EBF1: variants seen among roughly 807,000 people sequenced by gnomAD.
The protein encoded by EBF1 is EBF transcription factor 1.
A neutral mutation model predicts 68.4 loss-of-function variants in EBF1; 10 were observed. That is an observed-to-expected ratio of 0.15 (90% CI 0.09 to 0.25). EBF1 has a LOEUF of 0.25. Among genes scored for constraint, EBF1 ranks in the 10% least tolerant of loss-of-function variants. The pLI, the probability that EBF1 is intolerant of heterozygous loss-of-function variation, is 1.00. For synonymous variants in EBF1, 298 were observed against 299.8 expected (o/e 0.99, Z 0.06); for missense variants, 509 against 794.4 (o/e 0.64, Z 4.32).
At chr5:158,801,633 T>C (rs1013484712) in intron 8 of EBF1, among the ~76,000 whole-genome samples, 1 of 144,318 alleles carries the variant, frequency 6.9e-6, no homozygotes, top group African/African-American at 2.6e-5. Flanking sequence ...TCTTGAACAA[T>C]GGTCATGGTG....
chr5:159,032,377 A>G (rs931447461), intron 6 of EBF1, among the ~76,000 whole-genome samples: 4 of 152,200 alleles, frequency 2.6e-5, no homozygotes, highest in Non-Finnish European at 5.9e-5. Context: ...CCTTTCCATT[A>G]TATTTATTGC....
At chr5:159,004,543 T>C in intron 6 of EBF1, among the ~76,000 whole-genome samples, 1 of 151,230 alleles carries the variant, frequency 6.6e-6, no homozygotes, top group East Asian at 1.9e-4. Flanking sequence ...AGTAGGTAGG[T>C]AGGTAGGTAG....
chr5:158,893,275 C>A (rs1165928576), intron 6 of EBF1, among the ~76,000 whole-genome samples: 1 of 152,156 alleles, frequency 6.6e-6, no homozygotes, highest in Non-Finnish European at 1.5e-5. Flanking sequence ...ATAAAATACT[C>A]AACTTGACTC....
At chr5:158,949,556 T>A (rs953535781) in intron 6 of EBF1, among the ~76,000 whole-genome samples, 1 of 152,206 alleles carries the variant, frequency 6.6e-6, no homozygotes, top group Non-Finnish European at 1.5e-5. Flanking sequence ...AGACAAACTA[T>A]GTTCAGGCTT....
In EBF1 at chr5:158,764,890, G is replaced by A. The variant is rs1000405643; in HGVS notation, c.1036+12523C>T. ...TGGCTTAAATGACCATAAGTGAACC[G>A]CTTCACTTCTTTCTACACCTCATTT... On this transcript the variant is annotated intron_variant, in intron 10 of 15. Coordinates refer to ENST00000313708, the MANE Select transcript of EBF1 (RefSeq NM_024007.5). Among the ~76,000 whole-genome samples, 12 of 152,136 alleles carry A rather than the reference G, an allele frequency of 7.9e-5. No homozygotes were observed. The East Asian group carries it at 1.4e-3, about 17-fold the overall frequency.
chr5:159,073,295 T>C, intron 6 of EBF1, 101 bp downstream of exon 6: 1 of 1,266,568 alleles, frequency 7.9e-7, no homozygotes, highest in Non-Finnish European at 1.1e-6. Flanking sequence ...CAGGCAAATT[T>C]CAGCCACATG....
At chr5:159,098,487 G>A (rs891180076) in intron 1 of EBF1, among the ~76,000 whole-genome samples, 2 of 151,980 alleles carry the variant, frequency 1.3e-5, no homozygotes, top group Non-Finnish European at 2.9e-5. Flanking sequence ...CGAGATAGCA[G>A]AAATAAGAGA....
At chr5:158,713,936 G>A (rs915405261) in intron 12 of EBF1, among the ~76,000 whole-genome samples, 181 bp downstream of exon 12, 1 of 152,146 alleles carries the variant, frequency 6.6e-6, no homozygotes, top group Middle Eastern at 3.2e-3. Context: ...AGTGGAAAGG[G>A]CAATAAAAGG....
chr5:158,987,667 A>G (rs970223273), intron 6 of EBF1, among the ~76,000 whole-genome samples: 3 of 152,222 alleles, frequency 2.0e-5, no homozygotes, highest in Non-Finnish European at 4.4e-5. Context: ...CACTAAAAGT[A>G]GAAGCATTAC....
chr5:159,024,770 C>G (rs1175418791), intron 6 of EBF1, among the ~76,000 whole-genome samples: 1 of 152,192 alleles, frequency 6.6e-6, no homozygotes, highest in Non-Finnish European at 1.5e-5. Flanking sequence ...AGAATTGTCT[C>G]TAAGTAAGAG....
intron 10 of EBF1, among the ~76,000 whole-genome samples, chr5:158,747,373 T>C (rs1398666689): frequency 3.9e-5 from 6 of 152,204 alleles, no homozygotes; most frequent in Admixed American, 2.6e-4. Context: ...GAGAAAACTG[T>C]GGCTGCTAGT....
At chr5:158,983,360 A>C (rs1002180608) in intron 6 of EBF1, 2 of 152,136 alleles carry the variant, frequency 1.3e-5, no homozygotes, top group African/African-American at 4.8e-5. Context: ...CTGACTTGAT[A>C]TTTCCCATAC....
intron 6 of EBF1, among the ~76,000 whole-genome samples, chr5:158,844,714 G>C (rs183554611): frequency 3.3e-5 from 5 of 152,112 alleles, no homozygotes; most frequent in Non-Finnish European, 7.4e-5. Context: ...GAATGCCTGC[G>C]CTCTTAAACT....
intron 6 of EBF1, among the ~76,000 whole-genome samples, chr5:159,005,821 T>A (rs1258341747): frequency 6.6e-6 from 1 of 152,192 alleles, no homozygotes; most frequent in African/African-American, 2.4e-5. Context: ...ACAGCAATTT[T>A]AGAAGTTTCA....
intron 9 of EBF1, among the ~76,000 whole-genome samples, chr5:158,794,232 C>T (rs550357379): frequency 9.2e-5 from 14 of 152,254 alleles, no homozygotes; most frequent in Admixed American, 2.6e-4. Context: ...TGAAGAGGGG[C>T]TCCTGGCACA....
At chr5:159,087,425 TACACAC>T (rs1780908683) in intron 4 of EBF1, among the ~76,000 whole-genome samples, 1 of 145,972 alleles carries the variant, frequency 6.9e-6, no homozygotes, top group Non-Finnish European at 1.5e-5. Context: ...TATACATATA[TACACAC>T]ATATATATAC....
At chr5:158,931,662 T>A (rs1810920468) in intron 6 of EBF1, among the ~76,000 whole-genome samples, 1 of 152,212 alleles carries the variant, frequency 6.6e-6, no homozygotes, top group Non-Finnish European at 1.5e-5. Context: ...ATTGGAGGGT[T>A]CAGCATAGGA....
At chr5:158,963,382 A>G (rs1753442677) in intron 6 of EBF1, among the ~76,000 whole-genome samples, 1 of 152,276 alleles carries the variant, frequency 6.6e-6, no homozygotes, top group African/African-American at 2.4e-5. Flanking sequence ...TTCATCTCCT[A>G]CATTGGATGA....
At chr5:158,773,401 A>G (rs1169365794) in intron 10 of EBF1, among the ~76,000 whole-genome samples, 1 of 152,156 alleles carries the variant, frequency 6.6e-6, no homozygotes, top group Non-Finnish European at 1.5e-5. Flanking sequence ...TAGTCCTTCC[A>G]CAGGAACAGG....
Sources: allele counts gnomAD v4.1 joint callset (sites outside exome capture counted in the v4.1 genomes callset), GRCh38; gene constraint gnomAD v4.1.1; transcripts MANE v1.5; gene names NCBI Gene and HGNC (gene_info 2026-07-23, HGNC 2026-07-21).